Variants in ATL1 observed in about 807,000 individuals in gnomAD.
The protein encoded by ATL1 is atlastin-1.
A neutral mutation model predicts 75.5 loss-of-function variants in ATL1; 31 were observed. The observed-to-expected ratio is 0.41, with a 90% CI of 0.31 to 0.55. The LOEUF is 0.55. ATL1 is among the 20% of genes least tolerant of loss of function. The pLI, the probability that ATL1 is intolerant of heterozygous loss-of-function variation, is 0.27. For synonymous variants in ATL1, 226 were observed against 233.3 expected, an observed-to-expected ratio of 0.97 and a Z score of 0.28; for missense variants, 405 against 662.6, an observed-to-expected ratio of 0.61 and a Z score of 4.27.
rs143874021 is a variant in ATL1, at chr14:50,626,203, A to G, written c.1120-1828A>G. On this transcript the variant is annotated intron_variant, in intron 11 of 13. Transcript: ENST00000358385. ...GAGTAATTTTGACTTTCAAAAGTTA[A>G]TAAGAAATACATTTTGTAAGGCTAT... Among the ~76,000 whole-genome samples the G allele has an allele frequency of 7.4e-3, 1,129 of 152,374 alleles. 17 individuals are homozygous for G. The highest frequency in any genetic ancestry group is 0.025 in the African/African-American group (1,051 of 41,596).
intron 1 of ATL1, among the ~76,000 whole-genome samples, chr14:50,577,010 G>A (rs546837600): frequency 7.2e-5 from 11 of 152,196 alleles, no homozygotes; most frequent in Non-Finnish European, 1.3e-4. Context: ...TTAAATTTAT[G>A]TAAATATTTA....
At chr14:50,608,252 T>G (rs1395021614) in intron 6 of ATL1, among the ~76,000 whole-genome samples, 1 of 151,480 alleles carries the variant, frequency 6.6e-6, no homozygotes, top group Non-Finnish European at 1.5e-5. Flanking sequence ...GATTTTGACA[T>G]AAAGACTGAA....
intron 1 of ATL1, among the ~76,000 whole-genome samples, chr14:50,539,017 C>T (rs548088822): frequency 2.6e-4 from 40 of 152,302 alleles, no homozygotes; most frequent in South Asian, 8.3e-4. Context: ...TTATTATATT[C>T]TCTTTCTGTG....
chr14:50,551,972 C>T (rs1316982748), intron 1 of ATL1, among the ~76,000 whole-genome samples: 1 of 152,164 alleles, frequency 6.6e-6, no homozygotes, highest in East Asian at 1.9e-4. Flanking sequence ...TACCCACTTT[C>T]ACCACTTCTA....
At chr14:50,614,303 A>G (rs1323027027) in intron 7 of ATL1, 70 bp from the exon 8 acceptor site, 2 of 1,528,760 alleles carry the variant, frequency 1.3e-6, no homozygotes, top group East Asian at 4.5e-5. Context: ...TAGCAAATAT[A>G]AGATGCCACA....
chr14:50,547,688 C>A (rs2038651467), intron 1 of ATL1, among the ~76,000 whole-genome samples: 1 of 152,150 alleles, frequency 6.6e-6, no homozygotes, highest in Admixed American at 6.5e-5. Context: ...CTACCATGAG[C>A]TAAATGAGGT....
chr14:50,570,299 G>T (rs2038943013), intron 1 of ATL1, among the ~76,000 whole-genome samples: 1 of 151,954 alleles, frequency 6.6e-6, no homozygotes, highest in Non-Finnish European at 1.5e-5. Flanking sequence ...CAAGTTTGCT[G>T]ATTTTTTTTG....
chr14:50,539,693 A>G (rs1432226113), intron 1 of ATL1, among the ~76,000 whole-genome samples: 2 of 152,250 alleles, frequency 1.3e-5, no homozygotes, highest in Non-Finnish European at 2.9e-5. Flanking sequence ...GGGGAAGTAC[A>G]CAGAATGCTC....
intron 1 of ATL1, among the ~76,000 whole-genome samples, chr14:50,547,272 T>C (rs1347637216): frequency 6.6e-6 from 1 of 152,330 alleles, no homozygotes; most frequent in Non-Finnish European, 1.5e-5. Flanking sequence ...TTGTGTAATT[T>C]AAAATCTTAA....
At chr14:50,606,770 CAA>C (rs924903192) in intron 6 of ATL1, among the ~76,000 whole-genome samples, 29 of 151,872 alleles carry the variant, frequency 1.9e-4, no homozygotes, top group African/African-American at 7.0e-4. Context: ...CAATTCAAGA[CAA>C]AACAAAAACA....
At chr14:50,553,064 G>A (rs2038722661) in intron 1 of ATL1, among the ~76,000 whole-genome samples, 1 of 152,132 alleles carries the variant, frequency 6.6e-6, no homozygotes, top group African/African-American at 2.4e-5. Context: ...GGAGGCTGAG[G>A]CGGGTAGATT....
rs372066395 is a variant in ATL1, at chr14:50,597,220, CAAAAAAAAAAA to C, written c.630+1591_630+1601del. 2.4e-4 allele frequency among the ~76,000 whole-genome samples: 26 copies of C among 108,404 alleles called. 1 individual carries two copies. The highest frequency in any genetic ancestry group is 4.2e-4 in the Non-Finnish European group (24 of 57,110). 71.1% of individuals were successfully genotyped at this position (108,404 alleles called of 152,430 possible). On this transcript the variant is annotated intron_variant, in intron 6 of 13. Transcript: ENST00000358385. ...CAAGACTCTGTCTCAAAAAAACAAACAAAAAAAAAAAAAGAAAAAAGAAAAAAGAATAACAG... is the reference window on the plus strand; with the variant it reads ...CAAGACTCTGTCTCAAAAAAACAAACAAGAAAAAAGAAAAAAGAATAACAG...
At chr14:50,630,061 A>G (rs759220190) in intron 13 of ATL1, 52 bp downstream of exon 13, 9 of 1,365,774 alleles carry the variant, frequency 6.6e-6, no homozygotes, top group Admixed American at 3.9e-5. Flanking sequence ...ACATTATGAT[A>G]TTATTTTATA....
intron 4 of ATL1, among the ~76,000 whole-genome samples, chr14:50,593,055 A>G (rs1259597359): frequency 6.6e-6 from 1 of 151,504 alleles, no homozygotes; most frequent in Non-Finnish European, 1.5e-5. Flanking sequence ...AGCCTTTAAA[A>G]TACTGACTTA....
Position 50,595,617 on chromosome 14 carries a change from C to T in ATL1, c.615C>T (p.Phe205=). 6.2e-7 allele frequency: 1 copy of T among 1,613,470 alleles called. No individual in the cohort carries two copies. The highest frequency in any genetic ancestry group is 8.5e-7 in the Non-Finnish European group (1 of 1,179,886). Residue 205 remains phenylalanine, a synonymous_variant, in exon 6 of 14, where the codon TTC becomes TTT. Transcript: ENST00000358385. ...EYGRLAMEET[F]LKPFQSLIFL... is the part of the protein sequence containing the mutation. ...GCAGACTGGCAATGGAGGAAACATT[C>T]CTGAAGCCATTTCAGGTGAGCGAGT...
intron 1 of ATL1, among the ~76,000 whole-genome samples, chr14:50,534,772 A>G (rs1302231546): frequency 1.3e-5 from 2 of 152,258 alleles, no homozygotes; most frequent in Non-Finnish European, 2.9e-5. Context: ...TTTGTTTTAT[A>G]CTAACTCCAA....
At chr14:50,631,134 C>T (rs1375275948) in intron 13 of ATL1, 2 of 248,982 alleles carry the variant, frequency 8.0e-6, no homozygotes, top group Non-Finnish European at 1.6e-5. Context: ...GTGGCAGGCA[C>T]CTGTAGTCCC....
At chr14:50,603,665 T>G (rs1370015495) in intron 6 of ATL1, among the ~76,000 whole-genome samples, 1 of 152,198 alleles carries the variant, frequency 6.6e-6, no homozygotes, top group Non-Finnish European at 1.5e-5. Flanking sequence ...AATTCTTTGA[T>G]AGTGATTTAA....
intron 1 of ATL1, among the ~76,000 whole-genome samples, chr14:50,534,545 C>T (rs1272632392): frequency 6.6e-6 from 1 of 152,206 alleles, no homozygotes; most frequent in Admixed American, 6.5e-5. Context: ...ATGAATTAGG[C>T]AGTGAAATGT....
Sources: gnomAD v4.1 joint callset for allele counts (sites outside exome capture counted in the v4.1 genomes callset) on GRCh38, gnomAD v4.1.1 for gene constraint, MANE v1.5 for transcripts, NCBI Gene and HGNC (gene_info 2026-07-23, HGNC 2026-07-21) for gene names.